ARHGAP42: variants seen among roughly 807,000 people sequenced by gnomAD.
The protein encoded by ARHGAP42 is Rho GTPase activating protein 42, also known as rho GTPase-activating protein 42.
A neutral mutation model predicts 125.0 loss-of-function variants in ARHGAP42; 63 were observed. That is an observed-to-expected ratio of 0.50 (90% CI 0.41 to 0.62). ARHGAP42 has a LOEUF of 0.62. Among genes scored for constraint, ARHGAP42 ranks in the 20% least tolerant of loss-of-function variants. The probability of loss-of-function intolerance (pLI) is 0.00; values close to 1 mark genes in which losing one functional copy is unlikely to be tolerated. For synonymous variants in ARHGAP42, 339 were observed against 351.0 expected (o/e 0.97, Z 0.38); for missense variants, 766 against 1,024.2 (o/e 0.75, Z 3.44).
chr11:100,760,501 C>G (rs1176906823), intron 1 of ARHGAP42, among the ~76,000 whole-genome samples: 16 of 152,076 alleles, frequency 1.1e-4, no homozygotes. Flanking sequence ...GAGTTTGAGA[C>G]TAGCCTAGCC....
intron 4 of ARHGAP42, among the ~76,000 whole-genome samples, chr11:100,878,130 C>T (rs1042952880): frequency 6.7e-6 from 1 of 150,340 alleles, no homozygotes; most frequent in Non-Finnish European, 1.5e-5. Flanking sequence ...CCTTCTATTT[C>T]TTTTTTTCTT....
chr11:100,922,922 A>G (rs533635018), intron 6 of ARHGAP42, among the ~76,000 whole-genome samples: 2 of 152,348 alleles, frequency 1.3e-5, no homozygotes, highest in Non-Finnish European at 2.9e-5. Flanking sequence ...AGGCTCAGGG[A>G]TTTAACTTTT....
chr11:100,691,281 T>G (rs994815734), intron 1 of ARHGAP42, among the ~76,000 whole-genome samples: 2 of 127,046 alleles, frequency 1.6e-5, no homozygotes, highest in Non-Finnish European at 3.2e-5. Flanking sequence ...TGTGAAAAAG[T>G]AGGTTACTTT....
intron 2 of ARHGAP42, among the ~76,000 whole-genome samples, chr11:100,784,943 G>A (rs1423045936): frequency 6.6e-6 from 1 of 152,192 alleles, no homozygotes; most frequent in Non-Finnish European, 1.5e-5. Flanking sequence ...GATGTTGTGA[G>A]CATTGAAGAG....
At chr11:100,980,515 A>G (rs988583350) in intron 22 of ARHGAP42, among the ~76,000 whole-genome samples, 7 of 147,480 alleles carry the variant, frequency 4.7e-5, no homozygotes, top group Non-Finnish European at 9.0e-5. Flanking sequence ...TAATAAAAAT[A>G]CACTCAGATG....
intron 6 of ARHGAP42, among the ~76,000 whole-genome samples, chr11:100,927,058 G>A (rs1867446219): frequency 6.6e-6 from 1 of 152,126 alleles, no homozygotes; most frequent in Non-Finnish European, 1.5e-5. Flanking sequence ...CCCTTGGACT[G>A]CTAAATTCAA....
chr11:100,826,800 G>A (rs1234850841), intron 3 of ARHGAP42, among the ~76,000 whole-genome samples: 4 of 152,000 alleles, frequency 2.6e-5, no homozygotes, highest in Non-Finnish European at 5.9e-5. Flanking sequence ...TCTTTCTGCT[G>A]CTCAGCTGGG....
At chr11:100,935,939 C>G (rs547887565) in intron 7 of ARHGAP42, among the ~76,000 whole-genome samples, 72 of 152,158 alleles carry the variant, frequency 4.7e-4, no homozygotes, top group Non-Finnish European at 7.2e-4. Context: ...TGAGACCAGC[C>G]TGGGAAACAT....
intron 1 of ARHGAP42, among the ~76,000 whole-genome samples, chr11:100,721,161 G>A (rs766574933): frequency 3.3e-5 from 5 of 152,140 alleles, no homozygotes; most frequent in Non-Finnish European, 7.3e-5. Context: ...TTCTACAACT[G>A]GATGGGTTTT....
intron 1 of ARHGAP42, among the ~76,000 whole-genome samples, chr11:100,753,927 C>T (rs1165896524): frequency 6.6e-6 from 1 of 152,208 alleles, no homozygotes; most frequent in Non-Finnish European, 1.5e-5. Context: ...TTGGTTTCTT[C>T]CCATTTTCCT....
At chr11:100,699,159 A>G (rs1861346422) in intron 1 of ARHGAP42, among the ~76,000 whole-genome samples, 1 of 152,074 alleles carries the variant, frequency 6.6e-6, no homozygotes, top group Non-Finnish European at 1.5e-5. Context: ...TTACCAGCCC[A>G]GGGGATATAA....
rs115743970 is a variant in ARHGAP42, at chr11:100,962,339, A to G, written c.1386-70A>G. 3,539 of 1,226,500 alleles carry G rather than the reference A, an allele frequency of 2.9e-3. 82 individuals are homozygous for G. In the African/African-American group the frequency reaches 0.049, roughly 17 times the overall value. 76.0% of individuals were successfully genotyped at this position (1,226,500 alleles called of 1,614,324 possible). On this transcript the variant is annotated intron_variant, in intron 15 of 23. Transcript: ENST00000298815. ...AATAACAGTCACCTAATTCTTAAAG[A>G]AACACTTAACGTTTAGGGGAGAATA...
Position 100,976,982 on chromosome 11 carries a change from G to A in ARHGAP42, c.2393+11G>A, listed in dbSNP as rs750442321. 4.9e-5 allele frequency: 76 copies of A among 1,550,948 alleles called. No individual in the cohort carries two copies. The highest frequency in any genetic ancestry group is 1.7e-4 in the Middle Eastern group (1 of 5,982). On this transcript the variant is annotated intron_variant, in intron 21 of 23. Transcript: ENST00000298815. ...GCGGCCTGGCTCAGTGTAAGTGAGC[G>A]TTTGTATATTTGCTGTGTCTCCCAG... is the stretch of plus-strand genomic sequence containing the variant.
intron 3 of ARHGAP42, among the ~76,000 whole-genome samples, chr11:100,807,976 T>G (rs1331955245): frequency 6.6e-6 from 1 of 152,230 alleles, no homozygotes; most frequent in Non-Finnish European, 1.5e-5. Flanking sequence ...AAAGATACTT[T>G]GATAATATAA....
At chr11:100,856,662 C>T (rs1277097029) in intron 3 of ARHGAP42, among the ~76,000 whole-genome samples, 1 of 152,036 alleles carries the variant, frequency 6.6e-6, no homozygotes, top group Non-Finnish European at 1.5e-5. Flanking sequence ...ACTGCTAGGC[C>T]TCTGGATAAG....
chr11:100,819,013 G>A (rs1864342252), intron 3 of ARHGAP42, among the ~76,000 whole-genome samples: 1 of 152,108 alleles, frequency 6.6e-6, no homozygotes, highest in Non-Finnish European at 1.5e-5. Flanking sequence ...TTAGAAACCA[G>A]GCTAAGGAGC....
At chr11:100,974,735 A>G (rs1444653671) in intron 19 of ARHGAP42, 132 bp downstream of exon 19, 1 of 975,188 alleles carries the variant, frequency 1.0e-6, no homozygotes, top group African/African-American at 1.6e-5. Context: ...CTCTTTTATC[A>G]TTTGTATATT....
intron 4 of ARHGAP42, among the ~76,000 whole-genome samples, chr11:100,907,257 A>T (rs974724288): frequency 6.6e-6 from 1 of 152,214 alleles, no homozygotes; most frequent in African/African-American, 2.4e-5. Context: ...CTTCATATGC[A>T]TGTTACACTT....
intron 4 of ARHGAP42, among the ~76,000 whole-genome samples, chr11:100,877,946 A>G (rs1489001758): frequency 6.9e-6 from 1 of 143,956 alleles, no homozygotes; most frequent in Non-Finnish European, 1.5e-5. Context: ...CGGAGATTGC[A>G]GTGAGCCGAG....
Sources: allele counts gnomAD v4.1 joint callset (sites outside exome capture counted in the v4.1 genomes callset), GRCh38; gene constraint gnomAD v4.1.1; transcripts MANE v1.5; gene names NCBI Gene and HGNC (gene_info 2026-07-23, HGNC 2026-07-21).